Variants in STK33 observed in about 807,000 individuals in gnomAD.
STK33 encodes the protein serine/threonine-protein kinase 33.
A neutral mutation model predicts 58.0 loss-of-function variants in STK33; 52 were observed. The observed-to-expected ratio is 0.90, with a 90% CI of 0.72 to 1.13. The LOEUF (loss-of-function observed/expected upper bound fraction) is 1.13, where lower values mean the gene tolerates loss of function less well. STK33 is among the 50% of genes most tolerant of loss of function. The pLI, the probability that STK33 is intolerant of heterozygous loss-of-function variation, is 0.00. For missense variants in STK33, 630 were observed against 604.2 expected (o/e 1.04, Z -0.45); for synonymous variants, 215 against 200.1 (o/e 1.07, Z -0.63).
At chr11:8,494,904 GA>G (rs1950931628) in intron 1 of STK33, among the ~76,000 whole-genome samples, 2 of 152,216 alleles carry the variant, frequency 1.3e-5, no homozygotes, top group Non-Finnish European at 2.9e-5. Flanking sequence ...GTAGAAAGCT[GA>G]AACTGCATCC....
intron 1 of STK33, among the ~76,000 whole-genome samples, chr11:8,511,379 G>C (rs1952309130): frequency 6.6e-6 from 1 of 151,902 alleles, no homozygotes; most frequent in Non-Finnish European, 1.5e-5. Context: ...GATCTAGAAG[G>C]TTTTTGGTAG....
intron 14 of STK33, among the ~76,000 whole-genome samples, chr11:8,419,204 TAC>T (rs940202998): frequency 6.6e-6 from 1 of 152,234 alleles, no homozygotes; most frequent in African/African-American, 2.4e-5. Flanking sequence ...CCAGAGTTTT[TAC>T]AGTTTTGCAT....
the STK33 span, among the ~76,000 whole-genome samples, chr11:8,358,952 AC>A: frequency 2.0e-5 from 3 of 152,054 alleles, no homozygotes; most frequent in Non-Finnish European, 4.4e-5. Flanking sequence ...GACAGTCAAA[AC>A]CCTGTGCCTC....
At chr11:8,382,601 A>G in the STK33 span, among the ~76,000 whole-genome samples, 75,889 of 151,962 alleles carry the variant, frequency 0.5, 19,627 homozygotes, top group South Asian at 0.62. Flanking sequence ...GCGTGGGGAC[A>G]TGCAGCTTAC....
chr11:8,474,449 G>A (rs1000422822), intron 5 of STK33, among the ~76,000 whole-genome samples: 6 of 152,086 alleles, frequency 3.9e-5, no homozygotes, highest in Admixed American at 1.3e-4. Context: ...TTGGTATAAC[G>A]TGTTTAATTA....
At chr11:8,459,488 CT>C (rs1331914614) in intron 8 of STK33, among the ~76,000 whole-genome samples, 1 of 152,088 alleles carries the variant, frequency 6.6e-6, no homozygotes, top group East Asian at 1.9e-4. Context: ...AAAGACCAGA[CT>C]TATCTTCCTA....
At chr11:8,369,432 A>G in the STK33 span, among the ~76,000 whole-genome samples, 1 of 151,512 alleles carries the variant, frequency 6.6e-6, no homozygotes, top group Non-Finnish European at 1.5e-5. Flanking sequence ...TTCAGATCTA[A>G]GAGTGGGGAC....
chr11:8,512,760 G>C (rs1952441083), intron 1 of STK33, among the ~76,000 whole-genome samples: 1 of 152,088 alleles, frequency 6.6e-6, no homozygotes, highest in Non-Finnish European at 1.5e-5. Context: ...CCATCTCATA[G>C]AGTCAGCATG....
intron 1 of STK33, among the ~76,000 whole-genome samples, chr11:8,520,438 C>G (rs927620994): frequency 6.6e-6 from 1 of 152,124 alleles, no homozygotes; most frequent in Non-Finnish European, 1.5e-5. Context: ...TGGCACAAGA[C>G]AGGGATGCCC....
At chr11:8,413,893 A>T (rs1304288180) in intron 14 of STK33, among the ~76,000 whole-genome samples, 1 of 152,194 alleles carries the variant, frequency 6.6e-6, no homozygotes, top group Non-Finnish European at 1.5e-5. Context: ...GCATGATATC[A>T]CGTGTAATAT....
Position 8,522,823 on chromosome 11 carries a change from G to A in STK33, c.-465-42209C>T, listed in dbSNP as rs996237757. On this transcript the variant is annotated intron_variant, in intron 1 of 15. Coordinates refer to ENST00000687296, the MANE Select transcript of STK33 (RefSeq NM_001352389.2). ...CCTCTCCCTCGTCTCCCCTTTCCAC[G>A]GTCTCCCTCTGATGCCCAGCCGAGG... is the stretch of plus-strand genomic sequence containing the variant. Among the ~76,000 whole-genome samples the A allele has an allele frequency of 3.3e-5, 5 of 151,920 alleles. No individual in the cohort carries two copies. In the South Asian group the frequency reaches 6.3e-4, roughly 19 times the overall value.
chr11:8,392,660 A>T lies in STK33; in HGVS notation c.1395T>A (p.Asp465Glu). 2 of 1,614,254 alleles carry T rather than the reference A, an allele frequency of 1.2e-6. No individual in the cohort carries two copies. Among genetic ancestry groups the T allele is most frequent in the South Asian group, 2.2e-5 (2 of 91,090 alleles). The change falls in exon 16 of 16, where the codon GAT (aspartate) becomes GAA (glutamate). Residue 465 changes from aspartate (D) to glutamate (E), a missense_variant. Transcript: ENST00000687296. The part of the protein sequence containing the change: ...QFPATSKDNF[D>E]MCSSSFTSSK... ...TAGATGTGAAACTTGAACTGCACAT[A>T]TCAAAGTTGTCCTTACTGGTTGCAG...
intron 14 of STK33, among the ~76,000 whole-genome samples, chr11:8,418,943 G>T (rs1292478306): frequency 2.0e-5 from 3 of 150,674 alleles, no homozygotes; most frequent in Non-Finnish European, 3.0e-5. Context: ...TAATGAGGTT[G>T]TTTTTTTTTC....
At chr11:8,460,036 T>G (rs1947330707) in intron 8 of STK33, among the ~76,000 whole-genome samples, 1 of 152,186 alleles carries the variant, frequency 6.6e-6, no homozygotes, top group African/African-American at 2.4e-5. Context: ...TAAAGGTTGC[T>G]TTGGTGCCAC....
intron 1 of STK33, among the ~76,000 whole-genome samples, chr11:8,514,696 A>G (rs1039920173): frequency 2.6e-5 from 4 of 152,242 alleles, no homozygotes; most frequent in Non-Finnish European, 4.4e-5. Flanking sequence ...CACAGGCGCT[A>G]GCAGGAACAA....
chr11:8,477,627 A>G (rs990730828), intron 2 of STK33, among the ~76,000 whole-genome samples: 1 of 152,142 alleles, frequency 6.6e-6, no homozygotes, highest in Admixed American at 6.5e-5. Context: ...CAAATTTTCA[A>G]TGGAATCTTT....
intron 14 of STK33, among the ~76,000 whole-genome samples, chr11:8,430,668 T>C (rs919754676): frequency 3.9e-5 from 6 of 152,206 alleles, no homozygotes; most frequent in Non-Finnish European, 8.8e-5. Flanking sequence ...TATCATTCTC[T>C]ACCCGTGTTT....
the STK33 span, among the ~76,000 whole-genome samples, chr11:8,338,227 G>A: frequency 6.6e-6 from 1 of 152,164 alleles, no homozygotes; most frequent in Admixed American, 6.5e-5. Context: ...CTGTGATCCA[G>A]GCACCAGCCT....
At chr11:8,359,053 C>T in the STK33 span, among the ~76,000 whole-genome samples, 18 of 152,276 alleles carry the variant, frequency 1.2e-4, no homozygotes, top group Non-Finnish European at 1.5e-5. Flanking sequence ...TAGATAAACC[C>T]AGATTGAGGG....
Sources: gnomAD v4.1 joint callset for allele counts (sites outside exome capture counted in the v4.1 genomes callset) on GRCh38, gnomAD v4.1.1 for gene constraint, MANE v1.5 for transcripts, NCBI Gene and HGNC (gene_info 2026-07-23, HGNC 2026-07-21) for gene names.